MAB21L4: variants seen among roughly 807,000 people sequenced by gnomAD.
The protein encoded by MAB21L4 is mab-21 like 4.
MAB21L4 carries 25 observed loss-of-function variants against 32.4 expected under a neutral mutation model. The ratio of observed to expected loss-of-function variants is 0.77; its 90% CI spans 0.56 to 1.08. MAB21L4 has a LOEUF of 1.08. Among genes scored for constraint, MAB21L4 ranks in the 50% least tolerant of loss-of-function variants. The pLI, the probability that MAB21L4 is intolerant of heterozygous loss-of-function variation, is 0.00. For missense variants in MAB21L4, 638 were observed against 611.0 expected (o/e 1.04, Z -0.47); for synonymous variants, 280 against 276.8 (o/e 1.01, Z -0.11).
chr2:240,895,237 A>G (rs3936203), intron 1 of MAB21L4, among the ~76,000 whole-genome samples: 110,927 of 152,218 alleles, frequency 0.73, 41,134 homozygotes, highest in African/African-American at 0.86. Context: ...TGTTACAGGC[A>G]TTTGGAGCTG....
intron 1 of MAB21L4, among the ~76,000 whole-genome samples, chr2:240,894,994 C>G (rs2059176649): frequency 6.6e-6 from 1 of 152,218 alleles, no homozygotes; most frequent in South Asian, 2.1e-4. Context: ...CACACACACA[C>G]CCCTCCCACC....
In MAB21L4 at chr2:240,895,709, G is replaced by T. The variant is rs1225565491; in HGVS notation, c.289C>A (p.Pro97Thr). ...CCATCCTCCGGCTGGGTGGCCTCTGGTTCCTCAATCAGTAGAGCCTCGGCA... is the reference window on the plus strand; with the variant it reads ...CCATCCTCCGGCTGGGTGGCCTCTGTTTCCTCAATCAGTAGAGCCTCGGCA... ...VDAEALLIEE[P>T]EATQPEDGLE... The change falls in exon 1 of 5, where the codon CCA (proline) becomes ACA (threonine). Residue 97 changes from proline to threonine, a missense_variant. Coordinates refer to ENST00000388934, the MANE Select transcript of MAB21L4 (RefSeq NM_001085437.3). The T allele has an allele frequency of 2.5e-6, 4 of 1,612,942 alleles. No homozygotes were observed. The highest frequency in any genetic ancestry group is 4.5e-5 in the East Asian group (2 of 44,872).
rs770639165 is a variant in MAB21L4 at position 240,888,538 on chromosome 2, C to T, written c.1005G>A (p.Arg335=). 17 of 1,608,558 alleles carry T rather than the reference C, an allele frequency of 1.1e-5. No individual in the cohort carries two copies. Among genetic ancestry groups the T allele is most frequent in the Non-Finnish European group, 1.4e-5 (17 of 1,179,358 alleles). Reference sequence around the variant, plus strand: ...GCGGGTGGAGGAAGTGGGGCAGCTTCCGCGTGGCCAGGCAACAGAGCAGCA... The same window carrying T: ...GCGGGTGGAGGAAGTGGGGCAGCTTTCGCGTGGCCAGGCAACAGAGCAGCA... ...LVVLLCCLAT[R]KLPHFLHPQR... is the part of the protein sequence containing the mutation. Residue 335 remains arginine, a synonymous_variant, in exon 4 of 5, where the codon CGG becomes CGA. Transcript: ENST00000388934.
At chr2:240,891,451 C>A (rs2059148085) in intron 2 of MAB21L4, 87 bp downstream of exon 2, 1 of 1,281,842 alleles carries the variant, frequency 7.8e-7, no homozygotes, top group East Asian at 2.3e-5. Context: ...CCTGCAGATC[C>A]TCCTGGCTGG....
chr2:240,895,763 T>C lies in MAB21L4; in HGVS notation c.235A>G (p.Met79Val), dbSNP rs574116147. ...ACCCACAGGGGCACCTCCATGTCCA[T>C]TGGGTCCTCAGAGGAGCGCAGGGCG... is the stretch of plus-strand genomic sequence containing the variant. ...QFALRSSEDP[M>V]DMEVPLWVDA... The change falls in exon 1 of 5, where the codon ATG (methionine) becomes GTG (valine). Residue 79 changes from methionine to valine, a missense_variant. Physicochemically the swap from Met to Val is conservative, Grantham distance 21 (BLOSUM62 1). Coordinates refer to ENST00000388934, the MANE Select transcript of MAB21L4 (RefSeq NM_001085437.3). The C allele has an allele frequency of 1.7e-5, 27 of 1,612,708 alleles. No homozygotes were observed. The highest frequency in any genetic ancestry group is 3.3e-4 in the Middle Eastern group (2 of 6,058).
At chr2:240,891,815 A>G in intron 1 of MAB21L4, 52 bp from the exon 2 acceptor site, 4 of 1,602,720 alleles carry the variant, frequency 2.5e-6, no homozygotes, top group Non-Finnish European at 3.4e-6. Flanking sequence ...CCTGCCCAGG[A>G]CACTCCACAG....
intron 1 of MAB21L4, among the ~76,000 whole-genome samples, chr2:240,895,241 G>A (rs1292613683): frequency 6.6e-6 from 1 of 152,240 alleles, no homozygotes; most frequent in East Asian, 1.9e-4. Context: ...ACAGGCATTT[G>A]GAGCTGGAAG....
intron 1 of MAB21L4, among the ~76,000 whole-genome samples, chr2:240,892,541 C>A (rs1007177000): frequency 2.8e-4 from 42 of 152,272 alleles, no homozygotes; most frequent in South Asian, 2.1e-4. Flanking sequence ...GCGGCAGCTG[C>A]CAGTAGTGGA....
At chr2:240,896,307 T>C (rs1169400092), upstream of MAB21L4, among the ~76,000 whole-genome samples, 1 of 152,174 alleles carries the variant, frequency 6.6e-6, no homozygotes, top group Non-Finnish European at 1.5e-5. Flanking sequence ...AGCTCTCTCA[T>C]CTTAGGCCCA....
chr2:240,896,225 G>A (rs1291434417), upstream of MAB21L4: 2 of 1,192,506 alleles, frequency 1.7e-6, no homozygotes, highest in Admixed American at 7.9e-5. Context: ...CAGCAATTGG[G>A]AATGTCACAG....
intron 2 of MAB21L4, among the ~76,000 whole-genome samples, chr2:240,891,087 G>C (rs868062007): frequency 2.0e-4 from 30 of 152,186 alleles, no homozygotes; most frequent in African/African-American, 7.2e-4. Flanking sequence ...CCATTGGCTA[G>C]GGGTCTCCAG....
rs1292190236 is a variant in MAB21L4 at position 240,893,590 on chromosome 2, G to A, written c.515-1827C>T. ...GGTCTCACCGGTTCCCAGGGTGGGG[G>A]CAGCCTGACCCCTGTCACCTAGGCT... On this transcript the variant is annotated intron_variant, in intron 1 of 4. Coordinates refer to ENST00000388934, the MANE Select transcript of MAB21L4 (RefSeq NM_001085437.3). 4.6e-5 allele frequency among the ~76,000 whole-genome samples: 7 copies of A among 152,340 alleles called. No individual in the cohort carries two copies. In the East Asian group the frequency reaches 1.2e-3, roughly 25 times the overall value.
chr2:240,887,370 C>T (rs1220955058), intron 4 of MAB21L4, among the ~76,000 whole-genome samples: 1 of 152,238 alleles, frequency 6.6e-6, no homozygotes, highest in East Asian at 1.9e-4. Flanking sequence ...CACACGGCGT[C>T]CCTGGCATGG....
chr2:240,894,476 C>T (rs904031049), intron 1 of MAB21L4, among the ~76,000 whole-genome samples: 3 of 152,176 alleles, frequency 2.0e-5, no homozygotes, highest in Admixed American at 6.5e-5. Context: ...TGAAGGAGCC[C>T]TGGGCTCAGA....
intron 1 of MAB21L4, among the ~76,000 whole-genome samples, chr2:240,895,186 C>A (rs1319303595): frequency 6.6e-6 from 1 of 152,222 alleles, no homozygotes; most frequent in Non-Finnish European, 1.5e-5. Flanking sequence ...GCCGTGGAAC[C>A]CCCGTGCAAA....
Position 240,896,144 on chromosome 2 carries a change from G to A in MAB21L4, c.-147C>T. The stretch of plus-strand genomic sequence containing the variant: ...AGCTCCCACACAGCAGAATTCCAGA[G>A]TGACAGCACAGTGTGGCAGGTGAAA... On this transcript the variant is annotated 5_prime_UTR_variant, in exon 1 of 5. Coordinates refer to ENST00000388934, the MANE Select transcript of MAB21L4 (RefSeq NM_001085437.3). 1 of 1,349,062 alleles carries A rather than the reference G, an allele frequency of 7.4e-7. No homozygotes were observed. The highest frequency in any genetic ancestry group is 9.5e-7 in the Non-Finnish European group (1 of 1,057,532). The allele number at this position is 1,349,062 out of a possible 1,614,324, so 83.6% of individuals were successfully genotyped here.
chr2:240,889,494 C>T (rs1029371991), intron 3 of MAB21L4, among the ~76,000 whole-genome samples: 2 of 152,214 alleles, frequency 1.3e-5, no homozygotes, highest in Admixed American at 1.3e-4. Context: ...GTTGGAATCC[C>T]TGGCCCCTGC....
At chr2:240,891,504 C>T (rs751011222) in intron 2 of MAB21L4, 34 bp downstream of exon 2, 1 of 1,550,892 alleles carries the variant, frequency 6.4e-7, no homozygotes. Context: ...CTGCCCCCTC[C>T]CCAAGAACCT....
rs1307229367 is a variant in MAB21L4, at chr2:240,895,506, C to T, written c.492G>A (p.Lys164=). The T allele has an allele frequency of 1.9e-6, 3 of 1,579,320 alleles. No individual in the cohort carries two copies. Among genetic ancestry groups the T allele is most frequent in the Admixed American group, 1.8e-5 (1 of 57,038 alleles). ...TACCTGGTGCGATGAGACTGTGGTG[C>T]TTGCAGTGTACGATGGCTGCTACCA... The part of the protein sequence containing the change: ...DLLVAAIVHC[K]HHSLIAPGSL... Residue 164 remains lysine (K), a synonymous_variant, in exon 1 of 5, where the codon AAG becomes AAA. Coordinates refer to ENST00000388934, the MANE Select transcript of MAB21L4 (RefSeq NM_001085437.3).
Sources: gnomAD v4.1 joint callset for allele counts (sites outside exome capture counted in the v4.1 genomes callset) on GRCh38, gnomAD v4.1.1 for gene constraint, MANE v1.5 for transcripts, NCBI Gene and HGNC (gene_info 2026-07-23, HGNC 2026-07-21) for gene names.